Variants in PLCG2 observed in about 807,000 individuals in gnomAD.
The protein encoded by PLCG2 is 1-phosphatidylinositol 4,5-bisphosphate phosphodiesterase gamma-2.
A neutral mutation model predicts 175.6 loss-of-function variants in PLCG2; 69 were observed. The observed-to-expected ratio is 0.39, with a 90% CI of 0.32 to 0.48. The LOEUF (loss-of-function observed/expected upper bound fraction) is 0.48, where lower values mean the gene tolerates loss of function less well. Among genes scored for constraint, PLCG2 ranks in the 20% least tolerant of loss-of-function variants. The pLI is 0.91. For synonymous variants in PLCG2, 827 were observed against 624.0 expected (o/e 1.33, Z -4.85); for missense variants, 1,798 against 1,650.9 (o/e 1.09, Z -1.54).
chr16:81,877,973 ATTTTTTTTTTTTTTTT>A (rs71146052), intron 7 of PLCG2, among the ~76,000 whole-genome samples: 3 of 55,762 alleles, frequency 5.4e-5, no homozygotes, highest in Non-Finnish European at 8.9e-5. Flanking sequence ...TTTTTTTTTA[ATTTTTTTTTTTTTTTT>A]TTTTTTTTTT....
At chr16:81,831,742 G>A (rs575357198) in intron 2 of PLCG2, among the ~76,000 whole-genome samples, 62 of 152,270 alleles carry the variant, frequency 4.1e-4, no homozygotes, top group African/African-American at 1.5e-3. Flanking sequence ...GACCCCAGGA[G>A]GCTCCCCGCT....
chr16:81,798,064 C>T (rs952118048), intron 2 of PLCG2, among the ~76,000 whole-genome samples: 6 of 152,124 alleles, frequency 3.9e-5, no homozygotes, highest in African/African-American at 7.2e-5. Context: ...CTTCTGACCT[C>T]AAGTGATCTG....
chr16:81,894,881 A>G (rs991750517), intron 12 of PLCG2, among the ~76,000 whole-genome samples: 2 of 152,110 alleles, frequency 1.3e-5, no homozygotes, highest in African/African-American at 2.4e-5. Context: ...TCAAAAAAAT[A>G]AAAATAAAAA....
At chr16:81,789,230 T>A (rs1167042439) in intron 2 of PLCG2, among the ~76,000 whole-genome samples, 1 of 152,246 alleles carries the variant, frequency 6.6e-6, no homozygotes, top group Non-Finnish European at 1.5e-5. Flanking sequence ...TTGAAATCTA[T>A]GCCCTGTCAT....
intron 18 of PLCG2, among the ~76,000 whole-genome samples, chr16:81,911,376 G>T (rs79885646): frequency 1.3e-5 from 2 of 152,054 alleles, no homozygotes; most frequent in East Asian, 1.9e-4. Context: ...TCTGAGACAC[G>T]TGGCAATAAC....
chr16:81,812,005 A>G (rs193170427), intron 2 of PLCG2, among the ~76,000 whole-genome samples: 3 of 119,094 alleles, frequency 2.5e-5, no homozygotes, highest in South Asian at 2.5e-4. Flanking sequence ...AAGCATTCCT[A>G]TTTCTCTACA....
At chr16:81,745,497 T>C (rs1909686223) in intron 1 of PLCG2, among the ~76,000 whole-genome samples, 1 of 152,162 alleles carries the variant, frequency 6.6e-6, no homozygotes, top group Non-Finnish European at 1.5e-5. Flanking sequence ...ACATGGACCC[T>C]GACTAACTAA....
chr16:81,947,155 G>C (rs1001161964), intron 31 of PLCG2, among the ~76,000 whole-genome samples: 6 of 152,166 alleles, frequency 3.9e-5, no homozygotes, highest in South Asian at 4.1e-4. Flanking sequence ...TAAGTGATTA[G>C]GTATCACCAG....
intron 2 of PLCG2, among the ~76,000 whole-genome samples, chr16:81,788,899 C>G (rs932860324): frequency 3.3e-5 from 5 of 152,186 alleles, no homozygotes; most frequent in East Asian, 1.9e-4. Context: ...TCCCTTCCCC[C>G]ACAAGGGGTG....
intron 2 of PLCG2, chr16:81,843,004 G>A (rs1229516808): frequency 2.9e-5 from 4 of 138,892 alleles, no homozygotes; most frequent in Non-Finnish European, 6.2e-5. Context: ...TGGGGGTGGG[G>A]TGGACCTGGG....
At chr16:81,762,271 G>A (rs1910057918) in intron 2 of PLCG2, among the ~76,000 whole-genome samples, 1 of 152,058 alleles carries the variant, frequency 6.6e-6, no homozygotes, top group Non-Finnish European at 1.5e-5. Flanking sequence ...AAAAGAAACT[G>A]TCAACTGTTA....
At chr16:81,835,641 T>G (rs948321822) in intron 2 of PLCG2, among the ~76,000 whole-genome samples, 3 of 152,094 alleles carry the variant, frequency 2.0e-5, no homozygotes, top group Non-Finnish European at 4.4e-5. Flanking sequence ...AGGAAAACCA[T>G]GTTATTACCT....
intron 2 of PLCG2, among the ~76,000 whole-genome samples, chr16:81,813,762 C>T (rs927445553): frequency 4.2e-5 from 6 of 143,732 alleles, no homozygotes; most frequent in Non-Finnish European, 8.0e-5. Flanking sequence ...CTTTGTGCAG[C>T]GTCTCTCCCT....
At chr16:81,787,863 A>G (rs991431537) in intron 2 of PLCG2, among the ~76,000 whole-genome samples, 15 of 152,016 alleles carry the variant, frequency 9.9e-5, no homozygotes, top group South Asian at 6.2e-4. Flanking sequence ...TTGACTCAGC[A>G]TTTTTCAAGG....
At chr16:81,790,553 C>A (rs1414398841) in intron 2 of PLCG2, among the ~76,000 whole-genome samples, 1 of 152,216 alleles carries the variant, frequency 6.6e-6, no homozygotes, top group Non-Finnish European at 1.5e-5. Flanking sequence ...CTGGCAATTT[C>A]CTCACGGGGT....
upstream of PLCG2, among the ~76,000 whole-genome samples, chr16:81,776,349 T>A (rs1381693661): frequency 1.3e-5 from 2 of 151,906 alleles, no homozygotes; most frequent in Non-Finnish European, 2.9e-5. Context: ...AACCTCGTGA[T>A]CCGCCCGCCT....
At chr16:81,879,707 G>C (rs939081261) in intron 7 of PLCG2, among the ~76,000 whole-genome samples, 3 of 152,232 alleles carry the variant, frequency 2.0e-5, no homozygotes, top group South Asian at 2.1e-4. Context: ...ATTGAAGACT[G>C]TTGAAGCAAG....
At chr16:81,896,054 T>A (rs1009672110) in intron 13 of PLCG2, 127 bp downstream of exon 13, 10 of 1,222,768 alleles carry the variant, frequency 8.2e-6, no homozygotes, top group African/African-American at 7.4e-5. Flanking sequence ...CTGGGCCCCA[T>A]CTTGGCCAAA....
intron 2 of PLCG2, among the ~76,000 whole-genome samples, chr16:81,814,421 A>G (rs907105741): frequency 1.3e-5 from 2 of 152,076 alleles, no homozygotes; most frequent in Non-Finnish European, 2.9e-5. Context: ...GACTGAGTGC[A>G]GTGGCTCATG....
Sources: gnomAD v4.1 joint callset for allele counts (sites outside exome capture counted in the v4.1 genomes callset) on GRCh38, gnomAD v4.1.1 for gene constraint, MANE v1.5 for transcripts, NCBI Gene and HGNC (gene_info 2026-07-23, HGNC 2026-07-21) for gene names.